DAZAP1: variants seen among roughly 807,000 people sequenced by gnomAD.
DAZAP1 encodes DAZ associated protein 1, also known as DAZ-associated protein 1.
Under a neutral mutation model 60.1 loss-of-function variants are expected in DAZAP1, and 6 were observed. That is an observed-to-expected ratio of 0.10 (90% confidence interval 0.05 to 0.20). The LOEUF is 0.20. DAZAP1 is among the 10% of genes least tolerant of loss of function. The pLI, the probability that DAZAP1 is intolerant of heterozygous loss-of-function variation, is 1.00. For synonymous variants in DAZAP1, 235 were observed against 215.9 expected (o/e 1.09, Z -0.78); for missense variants, 366 against 560.4 (o/e 0.65, Z 3.50).
chr19:1,434,933 G>C lies in DAZAP1; in HGVS notation c.*21G>C. On this transcript the variant is annotated 3_prime_UTR_variant, in exon 12 of 12. Coordinates refer to ENST00000233078, the MANE Select transcript of DAZAP1 (RefSeq NM_018959.4). The surrounding 1 kb of genome is among the most constrained non-coding windows in gnomAD (Gnocchi z 8.0). Reference sequence around the variant, plus strand: ...GCTAGCCCGCGGCGCCGCGACGTCTGCACGGCCCAGACCCAGGATTCCAAA... The same window carrying C: ...GCTAGCCCGCGGCGCCGCGACGTCTCCACGGCCCAGACCCAGGATTCCAAA... 2 of 1,345,172 alleles carry C rather than the reference G, an allele frequency of 1.5e-6. No homozygotes were observed. Among genetic ancestry groups the C allele is most frequent in the South Asian group, 3.1e-5 (2 of 64,826 alleles). 83.3% of individuals were successfully genotyped at this position (1,345,172 alleles called of 1,614,324 possible).
At chr19:1,424,354 CCCCCT>C (rs2083250908) in intron 6 of DAZAP1, among the ~76,000 whole-genome samples, 1 of 119,456 alleles carries the variant, frequency 8.4e-6, no homozygotes, top group Non-Finnish European at 1.8e-5. Context: ...TCCTCCCCCT[CCCCCT>C]CCCCCCTCCC....
chr19:1,432,904 A>T lies in DAZAP1; in HGVS notation c.1048+214A>T. The T allele has an allele frequency of 1.7e-6, 1 of 575,694 alleles. No individual in the cohort carries two copies. Among genetic ancestry groups the T allele is most frequent in the Non-Finnish European group, 3.0e-6 (1 of 327,940 alleles). 35.7% of individuals were successfully genotyped at this position (575,694 alleles called of 1,614,324 possible). A position where few individuals can be genotyped will look rare whatever the true frequency, so the allele number is the denominator to read the frequency against. Reference sequence around the variant, plus strand: ...CGTGGGAGTCTTGTCGCAGCAGAGCACTCGTCATACAGCAGGTGCTGCAGG... The same window carrying T: ...CGTGGGAGTCTTGTCGCAGCAGAGCTCTCGTCATACAGCAGGTGCTGCAGG... On this transcript the variant is annotated intron_variant, in intron 11 of 11. Coordinates refer to ENST00000233078, the MANE Select transcript of DAZAP1 (RefSeq NM_018959.4). This position sits in a 1 kb window ranked among gnomAD's most constrained non-coding sequence, Gnocchi z 4.9.
chr19:1,414,534 C>T (rs2082918579), intron 1 of DAZAP1, among the ~76,000 whole-genome samples: 1 of 152,066 alleles, frequency 6.6e-6, no homozygotes, highest in South Asian at 2.1e-4. Context: ...ATCACGAGGT[C>T]AAGAGATTGA....
intron 1 of DAZAP1, among the ~76,000 whole-genome samples, chr19:1,413,654 T>TG (rs2082890040): frequency 6.6e-6 from 1 of 152,282 alleles, no homozygotes; most frequent in South Asian, 2.1e-4. Flanking sequence ...ACACACAGTG[T>TG]GGCCGCGCGC....
At chr19:1,424,401 G>T (rs1271111568) in intron 6 of DAZAP1, among the ~76,000 whole-genome samples, 1 of 133,998 alleles carries the variant, frequency 7.5e-6, no homozygotes, top group African/African-American at 2.8e-5. Context: ...TGCGTGCACA[G>T]TCACGCTCAG....
At chr19:1,429,077 G>A (rs952296924) in intron 8 of DAZAP1, 82 bp downstream of exon 8, 32 of 1,436,064 alleles carry the variant, frequency 2.2e-5, no homozygotes, top group South Asian at 1.3e-4. Flanking sequence ...CCGTCGCTGC[G>A]GCCTCCCCAC....
In DAZAP1 at chr19:1,426,224, T is replaced by C; in HGVS notation, c.546+264T>C. On this transcript the variant is annotated intron_variant, in intron 7 of 11. Coordinates refer to ENST00000233078, the MANE Select transcript of DAZAP1 (RefSeq NM_018959.4). This position sits in a 1 kb window ranked among gnomAD's most constrained non-coding sequence, Gnocchi z 5.4. ...ACCTGGGACTGGGCGGGTAGGGGGC[T>C]GGGGCTGGGAGGCTGTGGCGGTGTT... 1.1e-5 allele frequency: 5 copies of C among 444,430 alleles called. No homozygotes were observed. Among genetic ancestry groups the C allele is most frequent in the South Asian group, 1.1e-4 (5 of 45,522 alleles). 27.5% of individuals were successfully genotyped at this position (444,430 alleles called of 1,614,324 possible).
At chr19:1,409,010 C>T (rs1259213329) in intron 1 of DAZAP1, among the ~76,000 whole-genome samples, 2 of 152,238 alleles carry the variant, frequency 1.3e-5, no homozygotes, top group East Asian at 1.9e-4. Flanking sequence ...GCAGGCGCCT[C>T]TCGCACCAGC....
chr19:1,434,401 T>G lies in DAZAP1; in HGVS notation c.1049-336T>G. 1.1e-5 allele frequency: 3 copies of G among 284,530 alleles called. No individual in the cohort carries two copies. Among genetic ancestry groups the G allele is most frequent in the Non-Finnish European group, 2.0e-5 (3 of 148,844 alleles). 17.6% of individuals were successfully genotyped at this position (284,530 alleles called of 1,614,324 possible). On this transcript the variant is annotated intron_variant, in intron 11 of 11. Transcript: ENST00000233078. This position sits in a 1 kb window ranked among gnomAD's most constrained non-coding sequence, Gnocchi z 8.0. ...GCCTGGTCCACCGTGCCTTGGGCCA[T>G]GTGTGTCTCCAAGCCCCGAGGCTTC...
At position 1,418,606 on chromosome 19, in the gene DAZAP1, C is replaced by T; in HGVS notation, c.238-60C>T. On this transcript the variant is annotated intron_variant, in intron 3 of 11. Coordinates refer to ENST00000233078, the MANE Select transcript of DAZAP1 (RefSeq NM_018959.4). The surrounding 1 kb of genome is among the most constrained non-coding windows in gnomAD (Gnocchi z 5.7). ...TGCCGTGGCTGCTGTTGTGCTGACACCCTCTTTCCTAGAGAAACAGCCTCT... is the reference window on the plus strand; with the variant it reads ...TGCCGTGGCTGCTGTTGTGCTGACATCCTCTTTCCTAGAGAAACAGCCTCT... 1 of 1,603,980 alleles carries T rather than the reference C, an allele frequency of 6.2e-7. No homozygotes were observed. Among genetic ancestry groups the T allele is most frequent in the East Asian group, 2.2e-5 (1 of 44,798 alleles).
At position 1,433,993 on chromosome 19, in the gene DAZAP1, C is replaced by A. The variant is rs550677178; in HGVS notation, c.1049-744C>A. ...CACAAGCCTTCAGCGGGCCCAGGAT[C>A]CCCCAGAGAGAGCCCACGCCCACCT... is the stretch of plus-strand genomic sequence containing the variant. On this transcript the variant is annotated intron_variant, in intron 11 of 11. Transcript: ENST00000233078. This position sits in a 1 kb window ranked among gnomAD's most constrained non-coding sequence, Gnocchi z 6.1. 53 of 645,188 alleles carry A rather than the reference C, an allele frequency of 8.2e-5. No individual in the cohort carries two copies. Among genetic ancestry groups the A allele is most frequent in the African/African-American group, 8.0e-4 (44 of 54,800 alleles). The allele number at this position is 645,188 out of a possible 1,614,324, so 40.0% of individuals were successfully genotyped here. A position where few individuals can be genotyped will look rare whatever the true frequency, so the allele number is the denominator to read the frequency against.
At chr19:1,429,708 C>A (rs924340619) in intron 8 of DAZAP1, among the ~76,000 whole-genome samples, 6 of 152,208 alleles carry the variant, frequency 3.9e-5, no homozygotes, top group Non-Finnish European at 1.5e-5. Flanking sequence ...GGGAGGTCAC[C>A]CGTGCCCCAG....
At chr19:1,429,892 T>C (rs2083400075) in intron 8 of DAZAP1, 75 bp from the exon 9 acceptor site, 9 of 1,542,360 alleles carry the variant, frequency 5.8e-6, no homozygotes, top group South Asian at 1.2e-5. Flanking sequence ...TTGACGTCCA[T>C]GCTCTGCGGC....
chr19:1,433,365 GCTC>G lies in DAZAP1; in HGVS notation c.1048+680_1048+682del, dbSNP rs1300805889. 3 of 276,118 alleles carry G rather than the reference GCTC, an allele frequency of 1.1e-5. No individual in the cohort carries two copies. The allele number at this position is 276,118 out of a possible 1,614,324, so 17.1% of individuals were successfully genotyped here. A position where few individuals can be genotyped will look rare whatever the true frequency, so the allele number is the denominator to read the frequency against. ...GTGGGCAGGGCTCCAACTACGGTCA[GCTC>G]CTCCAGCACCAGGGGTCATTCACAA... On this transcript the variant is annotated intron_variant, in intron 11 of 11. Transcript: ENST00000233078. This position sits in a 1 kb window ranked among gnomAD's most constrained non-coding sequence, Gnocchi z 6.1.
rs560736344 is a variant in DAZAP1 at position 1,418,514 on chromosome 19, G to T, written c.237+144G>T. The stretch of plus-strand genomic sequence containing the variant: ...TTGGGAAGGATTAAGCCTTGGTGCT[G>T]AGGCTGGATATTGCAGGAGGATACA... On this transcript the variant is annotated intron_variant, in intron 3 of 11. Coordinates refer to ENST00000233078, the MANE Select transcript of DAZAP1 (RefSeq NM_018959.4). This position sits in a 1 kb window ranked among gnomAD's most constrained non-coding sequence, Gnocchi z 5.7. 3 of 1,428,180 alleles carry T rather than the reference G, an allele frequency of 2.1e-6. No individual in the cohort carries two copies. The African/African-American group carries it at 4.2e-5, about 20-fold the overall frequency. The allele number at this position is 1,428,180 out of a possible 1,614,324, so 88.5% of individuals were successfully genotyped here.
chr19:1,408,657 G>C (rs2082735972), intron 1 of DAZAP1, among the ~76,000 whole-genome samples: 1 of 152,222 alleles, frequency 6.6e-6, no homozygotes, highest in South Asian at 2.1e-4. Context: ...GTGGGCTTGA[G>C]CTGCGGAAGG....
chr19:1,409,612 C>T (rs2082766617), intron 1 of DAZAP1, among the ~76,000 whole-genome samples: 3 of 152,242 alleles, frequency 2.0e-5, no homozygotes, highest in South Asian at 2.1e-4. Flanking sequence ...TTGCCACAGC[C>T]GCCCGTCGCA....
In DAZAP1 at chr19:1,433,696, G is replaced by A. The variant is rs751765578; in HGVS notation, c.1048+1006G>A. The A allele has an allele frequency of 6.5e-6, 10 of 1,533,232 alleles. No individual in the cohort carries two copies. Among genetic ancestry groups the A allele is most frequent in the Non-Finnish European group, 7.2e-6 (8 of 1,108,540 alleles). The allele number at this position is 1,533,232 out of a possible 1,614,324, so 95.0% of individuals were successfully genotyped here. A position where few individuals can be genotyped will look rare whatever the true frequency, so the allele number is the denominator to read the frequency against. ...GCGTGTGTCAGCCGCTGCTCTTGGT[G>A]GCGGCTGCTTGGGTTGGTCACCCTG... is the stretch of plus-strand genomic sequence containing the variant. On this transcript the variant is annotated intron_variant, in intron 11 of 11. Transcript: ENST00000233078. The surrounding 1 kb of genome is among the most constrained non-coding windows in gnomAD (Gnocchi z 6.1).
In DAZAP1 at chr19:1,432,354, CTG is replaced by C. The variant is rs1243342632; in HGVS notation, c.872-157_872-156del. 4 of 749,034 alleles carry C rather than the reference CTG, an allele frequency of 5.3e-6. No homozygotes were observed. The highest frequency in any genetic ancestry group is 2.5e-5 in the East Asian group (1 of 40,498). The allele number at this position is 749,034 out of a possible 1,614,324, so 46.4% of individuals were successfully genotyped here. On this transcript the variant is annotated intron_variant, in intron 10 of 11. Coordinates refer to ENST00000233078, the MANE Select transcript of DAZAP1 (RefSeq NM_018959.4). This position sits in a 1 kb window ranked among gnomAD's most constrained non-coding sequence, Gnocchi z 4.9. ...GGGGGAGCGGCCCGGGACCGTGGCT[CTG>C]TGGTCCATTCTGTGGATGTCCACAA... is the stretch of plus-strand genomic sequence containing the variant.
Sources: allele counts gnomAD v4.1 joint callset (sites outside exome capture counted in the v4.1 genomes callset), GRCh38; gene constraint gnomAD v4.1.1; non-coding constraint Gnocchi (gnomAD v3.1); transcripts MANE v1.5; gene names NCBI Gene and HGNC (gene_info 2026-07-23, HGNC 2026-07-21).